The following PTPRT variants were observed in gnomAD, a reference collection of about 807,000 sequenced individuals.
The protein encoded by PTPRT is protein tyrosine phosphatase receptor type T.
PTPRT carries 56 observed loss-of-function variants against 176.8 expected under a neutral mutation model. The observed-to-expected ratio is 0.32, with a 90% CI of 0.26 to 0.40. The LOEUF (loss-of-function observed/expected upper bound fraction) is 0.40, where lower values mean the gene tolerates loss of function less well. PTPRT is among the 10% of genes least tolerant of loss of function. The pLI is 1.00. For missense variants in PTPRT, 1,540 were observed against 1,908.2 expected, an observed-to-expected ratio of 0.81 and a Z score of 3.60; for synonymous variants, 783 against 739.0, an observed-to-expected ratio of 1.06 and a Z score of -0.96.
At chr20:42,052,395 G>A in the PTPRT span, among the ~76,000 whole-genome samples, 3 of 152,218 alleles carry the variant, frequency 2.0e-5, no homozygotes, top group Admixed American at 6.5e-5. Flanking sequence ...CAGACACCCT[G>A]TGGGTCCCAG....
At chr20:42,070,317 G>A (rs759095246), downstream of PTPRT, among the ~76,000 whole-genome samples, 1 of 151,480 alleles carries the variant, frequency 6.6e-6, no homozygotes, top group Non-Finnish European at 1.5e-5. Flanking sequence ...TACCAATCAA[G>A]GTGCTCCTAG....
chr20:42,602,243 T>A (rs567420799), intron 7 of PTPRT, among the ~76,000 whole-genome samples: 2 of 152,232 alleles, frequency 1.3e-5, no homozygotes, highest in South Asian at 4.1e-4. Flanking sequence ...AGGCAGCACA[T>A]CACCACTTTC....
At chr20:42,950,525 C>T (rs1217149297) in intron 1 of PTPRT, among the ~76,000 whole-genome samples, 1 of 152,170 alleles carries the variant, frequency 6.6e-6, no homozygotes, top group Non-Finnish European at 1.5e-5. Flanking sequence ...GAATCCCTGG[C>T]ATCCCCTCGT....
intron 9 of PTPRT, among the ~76,000 whole-genome samples, chr20:42,376,181 C>T (rs182832946): frequency 1.3e-5 from 2 of 152,172 alleles, no homozygotes; most frequent in Non-Finnish European, 2.9e-5. Context: ...GATGGAAACG[C>T]TCCACCCTGC....
intron 9 of PTPRT, among the ~76,000 whole-genome samples, chr20:42,418,688 G>T (rs1226619375): frequency 6.6e-6 from 1 of 152,132 alleles, no homozygotes; most frequent in South Asian, 2.1e-4. Flanking sequence ...CAGGCTCTCA[G>T]GTATGTACTG....
chr20:42,876,893 C>T (rs147147201), intron 2 of PTPRT, among the ~76,000 whole-genome samples: 186 of 152,062 alleles, frequency 1.2e-3, no homozygotes, highest in African/African-American at 4.2e-3. Flanking sequence ...GAGAGGTAAG[C>T]GCTGTGAGGG....
At chr20:42,796,611 A>T (rs2077458897) in intron 2 of PTPRT, among the ~76,000 whole-genome samples, 1 of 152,262 alleles carries the variant, frequency 6.6e-6, no homozygotes, top group Non-Finnish European at 1.5e-5. Flanking sequence ...GTGGTTTCCC[A>T]GATAGCTATT....
In PTPRT at chr20:42,079,200, G is replaced by T. The variant is rs1292712844; in HGVS notation, c.*1679C>A. ...ATTAGATGAGACTGGCTTTCCTGGG[G>T]AGCTGGGAATGTGTTACTAAAATAT... is the stretch of plus-strand genomic sequence containing the variant. On this transcript the variant is annotated 3_prime_UTR_variant, in exon 31 of 31. Transcript: ENST00000373187. 4.8e-6 allele frequency: 1 copy of T among 206,278 alleles called. No homozygotes were observed. The highest frequency in any genetic ancestry group is 9.9e-6 in the Non-Finnish European group (1 of 100,920). 12.8% of individuals were successfully genotyped at this position (206,278 alleles called of 1,614,324 possible).
At position 42,919,612 on chromosome 20, in the gene PTPRT, C is replaced by T. The variant is rs544590368; in HGVS notation, c.89-33680G>A. ...GCACAGACTATGTGCCAAGCCTGTG[C>T]CAAGTGTTTTGCAAATATTATCTCA... is the stretch of plus-strand genomic sequence containing the variant. On this transcript the variant is annotated intron_variant, in intron 1 of 30. Coordinates refer to ENST00000373187, the MANE Select transcript of PTPRT (RefSeq NM_007050.6). 1.4e-4 allele frequency among the ~76,000 whole-genome samples: 21 copies of T among 152,302 alleles called. No homozygotes were observed. The South Asian group carries it at 4.3e-3, about 32-fold the overall frequency.
intron 1 of PTPRT, among the ~76,000 whole-genome samples, chr20:43,027,861 C>T (rs1216076354): frequency 6.6e-6 from 1 of 152,142 alleles, no homozygotes; most frequent in African/African-American, 2.4e-5. Context: ...AGATGAGTGA[C>T]AAGATACCTT....
intron 1 of PTPRT, among the ~76,000 whole-genome samples, chr20:42,998,010 AC>A (rs907731881): frequency 4.6e-5 from 7 of 152,054 alleles, no homozygotes; most frequent in Non-Finnish European, 1.0e-4. Context: ...GCAAGCAGAG[AC>A]CCCAGAGACT....
At chr20:42,671,755 T>C (rs2075417124) in intron 7 of PTPRT, among the ~76,000 whole-genome samples, 1 of 152,148 alleles carries the variant, frequency 6.6e-6, no homozygotes, top group Admixed American at 6.5e-5. Context: ...CTATATCTCA[T>C]GAAAGATGGT....
chr20:43,153,666 T>A (rs1600753711), intron 1 of PTPRT, among the ~76,000 whole-genome samples: 1 of 152,108 alleles, frequency 6.6e-6, no homozygotes, highest in Admixed American at 6.5e-5. Context: ...TCAGACAACA[T>A]GGCCTCAAGA....
intron 7 of PTPRT, among the ~76,000 whole-genome samples, chr20:42,506,201 T>C (rs1225655409): frequency 6.6e-6 from 1 of 152,206 alleles, no homozygotes; most frequent in African/African-American, 2.4e-5. Context: ...TACATTACTC[T>C]AGTAATGTAT....
intron 9 of PTPRT, among the ~76,000 whole-genome samples, chr20:42,425,350 T>A (rs917065359): frequency 2.0e-5 from 3 of 152,198 alleles, no homozygotes; most frequent in Non-Finnish European, 4.4e-5. Context: ...GTAATGCCCA[T>A]TCTACTCGGT....
At chr20:43,147,430 T>C (rs1314606946) in intron 1 of PTPRT, among the ~76,000 whole-genome samples, 1 of 152,090 alleles carries the variant, frequency 6.6e-6, no homozygotes, top group African/African-American at 2.4e-5. Context: ...TCGTCAGAAA[T>C]CCCTCAACAA....
chr20:43,135,193 T>C (rs1035867006), intron 1 of PTPRT, among the ~76,000 whole-genome samples: 1 of 152,202 alleles, frequency 6.6e-6, no homozygotes, highest in Non-Finnish European at 1.5e-5. Context: ...GAGATGCAGC[T>C]AGAAAGGCAC....
intron 1 of PTPRT, among the ~76,000 whole-genome samples, chr20:43,074,970 C>T (rs2011237870): frequency 6.6e-6 from 1 of 152,254 alleles, no homozygotes. Flanking sequence ...CGAAAGCACA[C>T]ATCTCATTCT....
At chr20:43,153,390 C>T (rs1337183112) in intron 1 of PTPRT, among the ~76,000 whole-genome samples, 2 of 152,064 alleles carry the variant, frequency 1.3e-5, no homozygotes, top group Non-Finnish European at 2.9e-5. Flanking sequence ...ACTTATTTTC[C>T]ATAATCTAGA....
Sources: gnomAD v4.1 joint callset for allele counts (sites outside exome capture counted in the v4.1 genomes callset) on GRCh38, gnomAD v4.1.1 for gene constraint, MANE v1.5 for transcripts, NCBI Gene and HGNC (gene_info 2026-07-23, HGNC 2026-07-21) for gene names.